CLCNKB: variants seen among roughly 807,000 people sequenced by gnomAD.
CLCNKB encodes chloride channel protein ClC-Kb.
CLCNKB carries 74 observed loss-of-function variants against 83.8 expected under a neutral mutation model. The ratio of observed to expected loss-of-function variants is 0.88; its 90% CI spans 0.73 to 1.07. The LOEUF (loss-of-function observed/expected upper bound fraction) is 1.07, where lower values mean the gene tolerates loss of function less well. Among genes scored for constraint, CLCNKB ranks in the 50% least tolerant of loss-of-function variants. CLCNKB has a pLI of 0.00. For synonymous variants in CLCNKB, 358 were observed against 356.6 expected (o/e 1.00, Z -0.04); for missense variants, 798 against 893.6 (o/e 0.89, Z 1.36).
In CLCNKB at chr1:16,049,627, C is replaced by A. The variant is rs749205764; in HGVS notation, c.791C>A (p.Thr264Asn). 2 of 1,604,888 alleles carry A rather than the reference C, an allele frequency of 1.2e-6. No individual in the cohort carries two copies. Among genetic ancestry groups the A allele is most frequent in the Non-Finnish European group, 1.7e-6 (2 of 1,174,404 alleles). The change falls in exon 9 of 20, where the codon ACC (threonine) becomes AAC (asparagine). Residue 264 changes from threonine to asparagine, a missense_variant. Transcript: ENST00000375679. ...TGCCCTCCTTCCCCAGAGACCATCA[C>A]CTCCCTCTACAAGACCAGTTTCCGG... Reference protein sequence around the residue: ...AVFNSEQETITSLYKTSFRVD... With the variant: ...AVFNSEQETINSLYKTSFRVD...
Position 16,044,482 on chromosome 1 carries a change from C to T in CLCNKB, c.-7-4C>T, listed in dbSNP as rs1318535809. ...GCGGTCCCTCCCTCTATCCGCTTCT[C>T]CAGGGGCCTGATGGAGGAGTTTGTG... On this transcript the variant is annotated splice_polypyrimidine_tract_variant and splice_region_variant and intron_variant, in intron 1 of 19. Transcript: ENST00000375679. The T allele has an allele frequency of 3.8e-6, 6 of 1,594,836 alleles. No individual in the cohort carries two copies. Among genetic ancestry groups the T allele is most frequent in the Non-Finnish European group, 5.1e-6 (6 of 1,171,716 alleles).
chr1:16,053,992 C>T (rs1446067649), intron 16 of CLCNKB, among the ~76,000 whole-genome samples: 1 of 152,086 alleles, frequency 6.6e-6, no homozygotes, highest in Non-Finnish European at 1.5e-5. Context: ...TAAAGAGAGT[C>T]GGCCGGGTGC....
At chr1:16,045,707 G>A (rs1433235991) in intron 3 of CLCNKB, 21 bp downstream of exon 3, 56 of 1,605,750 alleles carry the variant, frequency 3.5e-5, no homozygotes, top group Non-Finnish European at 4.6e-5. Flanking sequence ...CATGGCAGGT[G>A]CTGCTCTGGG....
At position 16,056,889 on chromosome 1, in the gene CLCNKB, C is replaced by A. The variant is rs2023463400; in HGVS notation, c.2037C>A (p.Asn679Lys). 5.2e-6 allele frequency: 8 copies of A among 1,533,486 alleles called. No individual in the cohort carries two copies. The Admixed American group carries it at 9.2e-5, about 18-fold the overall frequency. The allele number at this position is 1,533,486 out of a possible 1,614,324, so 95.0% of individuals were successfully genotyped here. Residue 679 changes from asparagine (N) to lysine (K), a missense_variant, in exon 20 of 20, where the codon AAC (asparagine) becomes AAA (lysine). Physicochemically the swap from Asn to Lys is moderately conservative, Grantham distance 94 (BLOSUM62 0). Coordinates refer to ENST00000375679, the MANE Select transcript of CLCNKB (RefSeq NM_000085.5). ...TCTAGATGAAGAAAGCAATTTCCAA[C>A]CTGACAAATCCGCCAGCCCCAAAGT... is the stretch of plus-strand genomic sequence containing the variant. ...SWVEMKKAIS[N>K]LTNPPAPK
At chr1:16,055,803 G>A (rs762898246) in intron 18 of CLCNKB, 45 bp downstream of exon 18, 4 of 1,573,154 alleles carry the variant, frequency 2.5e-6, no homozygotes, top group Non-Finnish European at 3.5e-6. Context: ...GCCTCTGGGT[G>A]GGGGAAGAGC....
Position 16,057,169 on chromosome 1 carries a change from C to T in CLCNKB, c.*253C>T, listed in dbSNP as rs1288618701. The T allele has an allele frequency of 1.4e-6, 1 of 691,812 alleles. No homozygotes were observed. The highest frequency in any genetic ancestry group is 1.8e-5 in the African/African-American group (1 of 56,822). 42.9% of individuals were successfully genotyped at this position (691,812 alleles called of 1,614,324 possible). Reference sequence around the variant, plus strand: ...TGAGAAGATGGAAAACCAGTATCTGCCAGTTGCTCAGTGACTGGCCATCAC... The same window carrying T: ...TGAGAAGATGGAAAACCAGTATCTGTCAGTTGCTCAGTGACTGGCCATCAC... On this transcript the variant is annotated 3_prime_UTR_variant, in exon 20 of 20. Coordinates refer to ENST00000375679, the MANE Select transcript of CLCNKB (RefSeq NM_000085.5).
chr1:16,048,581 C>G lies in CLCNKB; in HGVS notation c.654C>G (p.Ser218Arg). Reference protein sequence around the residue: ...GVATVFAAPFSGVLFSIEVMS... With the variant: ...GVATVFAAPFRGVLFSIEVMS... ...CCACAGTCTTTGCAGCTCCCTTCAGCGGTGAGACCCCTTCATGCCCCGCCC... is the reference window on the plus strand; with the variant it reads ...CCACAGTCTTTGCAGCTCCCTTCAGGGGTGAGACCCCTTCATGCCCCGCCC... Residue 218 changes from serine to arginine, a missense_variant and splice_region_variant, in exon 7 of 20, where the codon AGC becomes AGG. Coordinates refer to ENST00000375679, the MANE Select transcript of CLCNKB (RefSeq NM_000085.5). The G allele has an allele frequency of 6.2e-7, 1 of 1,613,206 alleles. No homozygotes were observed. The highest frequency in any genetic ancestry group is 8.5e-7 in the Non-Finnish European group (1 of 1,179,572).
intron 11 of CLCNKB, 42 bp from the exon 12 acceptor site, chr1:16,050,833 C>G (rs1229432743): frequency 1.9e-6 from 3 of 1,609,754 alleles, no homozygotes; most frequent in Non-Finnish European, 2.5e-6. Context: ...GGGTCTGCCG[C>G]TGGGGGCCCC....
At chr1:16,048,310 A>ACCTGGGC (rs2023166103) in intron 5 of CLCNKB, 33 bp from the exon 6 acceptor site, 1 of 1,610,374 alleles carries the variant, frequency 6.2e-7, no homozygotes, top group Admixed American at 1.7e-5. Flanking sequence ...TGCTGCCCTC[A>ACCTGGGC]CCTGGGCCCT....
At chr1:16,056,282 G>T in intron 18 of CLCNKB, 140 bp from the exon 19 acceptor site, 1 of 907,938 alleles carries the variant, frequency 1.1e-6, no homozygotes, top group Non-Finnish European at 1.8e-6. Flanking sequence ...GGCCACATTG[G>T]ACATTGCAGG....
At chr1:16,051,640 G>T (rs545792913) in intron 13 of CLCNKB, 70 bp from the exon 14 acceptor site, 4 of 1,596,848 alleles carry the variant, frequency 2.5e-6, no homozygotes, top group Non-Finnish European at 3.4e-6. Flanking sequence ...TACTGAGGAC[G>T]GTCCTCAGGG....
Position 16,049,119 on chromosome 1 carries a change from G to A in CLCNKB, c.656-1G>A, listed in dbSNP as rs374471392. On this transcript the variant is annotated splice_acceptor_variant, in intron 7 of 19. Coordinates refer to ENST00000375679, the MANE Select transcript of CLCNKB (RefSeq NM_000085.5). LOFTEE classifies it high-confidence loss of function. ...CCACCTGAGATCAGTGTCGCCCCCA[G>A]GCGTCCTGTTCAGCATCGAGGTCAT... 8 of 1,613,620 alleles carry A rather than the reference G, an allele frequency of 5.0e-6. No individual in the cohort carries two copies. The highest frequency in any genetic ancestry group is 1.1e-5 in the South Asian group (1 of 91,052).
chr1:16,052,800 G>A (rs2023335971), intron 15 of CLCNKB, among the ~76,000 whole-genome samples: 1 of 152,172 alleles, frequency 6.6e-6, no homozygotes, highest in East Asian at 1.9e-4. Flanking sequence ...AGCAGGAGGT[G>A]GAACGAGAAT....
In CLCNKB at chr1:16,055,693, T is replaced by C. The variant is rs754061870; in HGVS notation, c.1864T>C (p.Leu622=). Residue 622 remains leucine, a synonymous_variant, in exon 18 of 20, where the codon TTG becomes CTG. Coordinates refer to ENST00000375679, the MANE Select transcript of CLCNKB (RefSeq NM_000085.5). ...CCCCCAGCAGTGTCTCCAGGACATC[T>C]TGGCTGCAGGCTGCCCCACAGAACC... ...PGHQQCLQDI[L]AAGCPTEPVT... 5.6e-6 allele frequency: 9 copies of C among 1,613,740 alleles called. No individual in the cohort carries two copies. Among genetic ancestry groups the C allele is most frequent in the East Asian group, 4.5e-5 (2 of 44,888 alleles).
chr1:16,056,591 C>T, intron 19 of CLCNKB, 83 bp downstream of exon 19: 1 of 1,158,544 alleles, frequency 8.6e-7, no homozygotes, highest in East Asian at 2.4e-5. Context: ...GTGGGGGGGA[C>T]ACCAGCATGC....
In CLCNKB at chr1:16,053,741, C is replaced by T. The variant is rs146065392; in HGVS notation, c.1725C>T (p.Asp575=). 298 of 1,613,924 alleles carry T rather than the reference C, an allele frequency of 1.8e-4. 1 individual carries two copies. The African/African-American group carries it at 3.2e-3, about 18-fold the overall frequency. ...TGGTCAAGGTTGTGACCTCCACAGA[C>T]GTGGCCAAGTATCCCCTGGTGGAGA... ...EEVVKVVTST[D]VAKYPLVEST... The change falls in exon 16 of 20, where the codon GAC becomes GAT. Residue 575 remains aspartate, a synonymous_variant. Transcript: ENST00000375679.
Position 16,050,865 on chromosome 1 carries a change from C to T in CLCNKB, c.1054-10C>T. 1 of 1,611,548 alleles carries T rather than the reference C, an allele frequency of 6.2e-7. No individual in the cohort carries two copies. Among genetic ancestry groups the T allele is most frequent in the East Asian group, 2.2e-5 (1 of 44,884 alleles). On this transcript the variant is annotated splice_polypyrimidine_tract_variant and intron_variant, in intron 11 of 19. Transcript: ENST00000375679. ...CCCCTCATGTCCAGTTCCCACCTGC[C>T]CCGCCACAGCTGTCCATGAAGCAGC...
At chr1:16,045,414 CCCCCTCGGGACTACCCCAG>C in intron 2 of CLCNKB, 125 bp from the exon 3 acceptor site, 1 of 932,552 alleles carries the variant, frequency 1.1e-6, no homozygotes, top group Non-Finnish European at 1.6e-6. Context: ...TGAGGCAGGG[CCCCCTCGGGACTACCCCAG>C]AGTATACCAC....
Position 16,053,757 on chromosome 1 carries a change from C to T in CLCNKB, c.1741C>T (p.Leu581=), listed in dbSNP as rs2275167. ...VTSTDVAKYP[L]VESTESQILV... ...CTCCACAGACGTGGCCAAGTATCCC[C>T]TGGTGGAGAGCACAGGTGCCCAGCC... Residue 581 remains leucine, a synonymous_variant, in exon 16 of 20, where the codon CTG becomes TTG. Transcript: ENST00000375679. The T allele has an allele frequency of 0.64, 1,033,258 of 1,610,996 alleles. 333,792 individuals carry two copies. The highest frequency in any genetic ancestry group is 0.81 in the East Asian group (36,103 of 44,842).
Sources: gnomAD v4.1 joint callset for allele counts (sites outside exome capture counted in the v4.1 genomes callset) on GRCh38, gnomAD v4.1.1 for gene constraint, MANE v1.5 for transcripts, NCBI Gene and HGNC (gene_info 2026-07-23, HGNC 2026-07-21) for gene names.